Variants in DNMT3A observed in about 807,000 individuals in gnomAD.
The protein encoded by DNMT3A is DNA methyltransferase 3 alpha, also known as DNA (cytosine-5)-methyltransferase 3A.
A neutral mutation model predicts 117.6 loss-of-function variants in DNMT3A; 267 were observed. The observed-to-expected ratio is 2.27, with a 90% CI of 2.05 to 2.51. The LOEUF (loss-of-function observed/expected upper bound fraction) is 2.51, where lower values mean the gene tolerates loss of function less well. DNMT3A is among the 30% of genes most tolerant of loss of function. DNMT3A has a pLI of 0.00. For missense variants in DNMT3A, 1,029 were observed against 1,260.2 expected (o/e 0.82, Z 2.78); for synonymous variants, 432 against 474.8 (o/e 0.91, Z 1.17).
At position 25,247,808 on chromosome 2, in the gene DNMT3A, T is replaced by TC; in HGVS notation, c.856-60dup. 1 of 1,588,744 alleles carries TC rather than the reference T, an allele frequency of 6.3e-7. No homozygotes were observed. The highest frequency in any genetic ancestry group is 1.7e-5 in the Admixed American group (1 of 58,476). On this transcript the variant is annotated intron_variant, in intron 7 of 22. Coordinates refer to ENST00000321117, the MANE Select transcript of DNMT3A (RefSeq NM_022552.5). This position sits in a 1 kb window ranked among gnomAD's most constrained non-coding sequence, Gnocchi z 5.6. Reference sequence around the variant, plus strand: ...TGGTCACGAGGCCCTGCCACCCTGATCCCCCCATGGCAACCCCAGCCCTGG... The same window carrying TC: ...TGGTCACGAGGCCCTGCCACCCTGATCCCCCCCATGGCAACCCCAGCCCTGG...
chr2:25,297,818 A>C (rs1269383084), intron 3 of DNMT3A, among the ~76,000 whole-genome samples: 3 of 152,134 alleles, frequency 2.0e-5, no homozygotes, highest in African/African-American at 7.2e-5. Context: ...CCCAGCCTGC[A>C]CATTTGGACT....
In DNMT3A at chr2:25,246,666, C is replaced by CA; in HGVS notation, c.1232dup (p.Phe414LeufsTer7). ...TAGGGCCAGAAGGCTGGAAGCCCCC[C>CA]AGGGCCCATTCAATCATGGGCTTGT... is the stretch of plus-strand genomic sequence containing the variant. On this transcript the variant is annotated frameshift_variant, in exon 10 of 23. Transcript: ENST00000321117. LOFTEE classifies it high-confidence loss of function. 6.2e-7 allele frequency: 1 copy of CA among 1,613,608 alleles called. No individual in the cohort carries two copies. Among genetic ancestry groups the CA allele is most frequent in the Non-Finnish European group, 8.5e-7 (1 of 1,179,992 alleles).
chr2:25,282,939 G>A lies in DNMT3A; in HGVS notation c.178-228C>T, dbSNP rs944268719. 5.9e-5 allele frequency among the ~76,000 whole-genome samples: 9 copies of A among 152,172 alleles called. No homozygotes were observed. Among genetic ancestry groups the A allele is most frequent in the Admixed American group, 4.6e-4 (7 of 15,278 alleles). On this transcript the variant is annotated intron_variant, in intron 3 of 22. Transcript: ENST00000321117. The surrounding 1 kb of genome is among the most constrained non-coding windows in gnomAD (Gnocchi z 5.2). The stretch of plus-strand genomic sequence containing the variant: ...CACGAGTCTGTGGACTCCAGCTTCA[G>A]AAACAGGAAAAGAATCCAAGCAGGT...
chr2:25,313,698 G>A (rs1197093191), intron 2 of DNMT3A, among the ~76,000 whole-genome samples: 1 of 152,216 alleles, frequency 6.6e-6, no homozygotes, highest in Admixed American at 6.5e-5. Context: ...AAAAGCCTGG[G>A]TCCTGGAACC....
intron 6 of DNMT3A, among the ~76,000 whole-genome samples, chr2:25,255,339 T>C (rs957790050): frequency 1.3e-5 from 2 of 152,236 alleles, no homozygotes; most frequent in Non-Finnish European, 2.9e-5. Flanking sequence ...ATAGGTCTTT[T>C]GTTTGAGTTA....
chr2:25,241,425 TA>T, intron 17 of DNMT3A, 136 bp downstream of exon 17: 3 of 1,207,162 alleles, frequency 2.5e-6, no homozygotes, highest in Non-Finnish European at 3.4e-6. Flanking sequence ...AAATGGAAGA[TA>T]AGGAGAAAAA....
chr2:25,314,167 G>C lies in DNMT3A; in HGVS notation c.-177-6C>G, dbSNP rs1368910580. The C allele has an allele frequency of 7.0e-7, 1 of 1,422,556 alleles. No homozygotes were observed. The highest frequency in any genetic ancestry group is 1.4e-5 in the African/African-American group (1 of 69,006). 88.1% of individuals were successfully genotyped at this position (1,422,556 alleles called of 1,614,324 possible). A position where few individuals can be genotyped will look rare whatever the true frequency, so the allele number is the denominator to read the frequency against. ...GGGGGCTTCGATGGCTCCACCTGTGGGGGAGAGAAGAGGATCAGTGGGGCG... is the reference window on the plus strand; with the variant it reads ...GGGGGCTTCGATGGCTCCACCTGTGCGGGAGAGAAGAGGATCAGTGGGGCG... On this transcript the variant is annotated splice_polypyrimidine_tract_variant and splice_region_variant and intron_variant, in intron 1 of 22. Transcript: ENST00000321117.
chr2:25,269,550 G>A (rs1409728201), intron 6 of DNMT3A, among the ~76,000 whole-genome samples: 3 of 152,224 alleles, frequency 2.0e-5, no homozygotes, highest in Non-Finnish European at 4.4e-5. Context: ...GAGGACTGTA[G>A]TGAAAGTGGG....
rs2033764251 is a variant in DNMT3A at position 25,306,011 on chromosome 2, AAGCATGCCC to A, written c.73-5777_73-5769del. ...ACTTGCCCGGGCCCCCTGGGACAAG[AAGCATGCCC>A]AGCCTTTGCCAGCTGGCTGGCTGGC... On this transcript the variant is annotated intron_variant, in intron 2 of 22. Coordinates refer to ENST00000321117, the MANE Select transcript of DNMT3A (RefSeq NM_022552.5). The surrounding 1 kb of genome is among the most constrained non-coding windows in gnomAD (Gnocchi z 4.1). 1.3e-5 allele frequency among the ~76,000 whole-genome samples: 2 copies of A among 152,206 alleles called. No individual in the cohort carries two copies. Among genetic ancestry groups the A allele is most frequent in the African/African-American group, 2.4e-5 (1 of 41,458 alleles).
intron 1 of DNMT3A, among the ~76,000 whole-genome samples, chr2:25,323,276 G>A (rs1256109953): frequency 6.6e-6 from 1 of 152,160 alleles, no homozygotes; most frequent in Non-Finnish European, 1.5e-5. Flanking sequence ...AAGACAGAGG[G>A]ATAAAGCGTT....
chr2:25,310,743 G>C (rs530682041), intron 2 of DNMT3A, among the ~76,000 whole-genome samples: 13 of 152,150 alleles, frequency 8.5e-5, no homozygotes, highest in Non-Finnish European at 2.9e-5. Flanking sequence ...TGCGCTCCAG[G>C]CTAGCAGTGG....
chr2:25,240,273 G>T (rs762873977), intron 19 of DNMT3A, 29 bp downstream of exon 19: 1 of 1,613,936 alleles, frequency 6.2e-7, no homozygotes, highest in East Asian at 2.2e-5. Context: ...CCATTAGTGA[G>T]CTGGCCAAAC....
rs1466028787 is a variant in DNMT3A at position 25,282,834 on chromosome 2, A to T, written c.178-123T>A. On this transcript the variant is annotated intron_variant, in intron 3 of 22. Coordinates refer to ENST00000321117, the MANE Select transcript of DNMT3A (RefSeq NM_022552.5). The surrounding 1 kb of genome is among the most constrained non-coding windows in gnomAD (Gnocchi z 5.2). Reference sequence around the variant, plus strand: ...CACTTTCTGTCCAGAAACTGTGTTCATATAAACCTTCATGCAAACAGATAC... The same window carrying T: ...CACTTTCTGTCCAGAAACTGTGTTCTTATAAACCTTCATGCAAACAGATAC... 3 of 1,238,190 alleles carry T rather than the reference A, an allele frequency of 2.4e-6. No homozygotes were observed. The Admixed American group carries it at 8.8e-5, about 36-fold the overall frequency. The allele number at this position is 1,238,190 out of a possible 1,614,324, so 76.7% of individuals were successfully genotyped here. A position where few individuals can be genotyped will look rare whatever the true frequency, so the allele number is the denominator to read the frequency against.
chr2:25,249,457 TC>T, intron 6 of DNMT3A, among the ~76,000 whole-genome samples: 1 of 152,310 alleles, frequency 6.6e-6, no homozygotes, highest in South Asian at 2.1e-4. Flanking sequence ...ATGCTGGAGT[TC>T]TTATGGATCA....
intron 6 of DNMT3A, among the ~76,000 whole-genome samples, chr2:25,269,188 G>A (rs769306363): frequency 5.3e-5 from 8 of 152,162 alleles, no homozygotes; most frequent in Non-Finnish European, 8.8e-5. Flanking sequence ...TGGGTGTGGT[G>A]GTGCGTGCCT....
chr2:25,306,489 C>T lies in DNMT3A; in HGVS notation c.73-6246G>A, dbSNP rs182876592. Among the ~76,000 whole-genome samples the T allele has an allele frequency of 1.8e-4, 28 of 152,324 alleles. No individual in the cohort carries two copies. Among genetic ancestry groups the T allele is most frequent in the African/African-American group, 5.1e-4 (21 of 41,580 alleles). ...GAGGGGAGGGGCCGTGTCTCATTGG[C>T]GCCTCTGAGTCCCCCACAGCTCCTG... On this transcript the variant is annotated intron_variant, in intron 2 of 22. Coordinates refer to ENST00000321117, the MANE Select transcript of DNMT3A (RefSeq NM_022552.5). The surrounding 1 kb of genome is among the most constrained non-coding windows in gnomAD (Gnocchi z 4.1).
In DNMT3A at chr2:25,230,810, A is replaced by G. The variant is rs985998601; in HGVS notation, c.*3469T>C. 3.4e-4 allele frequency: 25 copies of G among 73,602 alleles called. No individual in the cohort carries two copies. Among genetic ancestry groups the G allele is most frequent in the African/African-American group, 1.4e-3 (24 of 17,122 alleles). 4.6% of individuals were successfully genotyped at this position (73,602 alleles called of 1,614,324 possible). ...CTGCAAGGGGGGGGGGGGGGGGGCC[A>G]TGACCCCTGGGGCATCTGGTCCATT... is the stretch of plus-strand genomic sequence containing the variant. On this transcript the variant is annotated 3_prime_UTR_variant, in exon 23 of 23. Coordinates refer to ENST00000321117, the MANE Select transcript of DNMT3A (RefSeq NM_022552.5).
intron 4 of DNMT3A, among the ~76,000 whole-genome samples, chr2:25,278,042 C>CACAAACAG (rs1553422579): frequency 0.18 from 25,730 of 146,206 alleles, 2,513 homozygotes; most frequent in Admixed American, 0.24. Context: ...CACACACAGA[C>CACAAACAG]ACACACGCTT....
chr2:25,303,019 A>G (rs2033601564), intron 2 of DNMT3A, among the ~76,000 whole-genome samples: 1 of 152,162 alleles, frequency 6.6e-6, no homozygotes, highest in Non-Finnish European at 1.5e-5. Flanking sequence ...TTTTGAGAAG[A>G]CAGCTTCACA....
Sources: gnomAD v4.1 joint callset for allele counts (sites outside exome capture counted in the v4.1 genomes callset) on GRCh38, gnomAD v4.1.1 for gene constraint, Gnocchi (gnomAD v3.1) non-coding constraint, MANE v1.5 for transcripts, NCBI Gene and HGNC (gene_info 2026-07-23, HGNC 2026-07-21) for gene names.